RASSF3: variants seen among roughly 807,000 people sequenced by gnomAD.
RASSF3 encodes the protein ras association domain-containing protein 3.
In RASSF3, 19 loss-of-function variants were observed where a neutral mutation model predicts 19.9. The ratio of observed to expected loss-of-function variants is 0.96; its 90% CI spans 0.67 to 1.40. The LOEUF (loss-of-function observed/expected upper bound fraction) is 1.40, where lower values mean the gene tolerates loss of function less well. Among genes scored for constraint, RASSF3 ranks in the 40% most tolerant of loss-of-function variants. RASSF3 has a pLI of 0.00. For synonymous variants in RASSF3, 110 were observed against 104.2 expected (o/e 1.06, Z -0.34); for missense variants, 306 against 289.8 (o/e 1.06, Z -0.41).
At chr12:64,541,885 G>C (rs1378910300), downstream of RASSF3, among the ~76,000 whole-genome samples, 1 of 151,972 alleles carries the variant, frequency 6.6e-6, no homozygotes, top group Non-Finnish European at 1.5e-5. Context: ...CTTAATCTTG[G>C]GTTATAATTT....
downstream of RASSF3, among the ~76,000 whole-genome samples, chr12:64,543,641 G>T (rs1592395733): frequency 6.7e-6 from 1 of 148,212 alleles, no homozygotes; most frequent in Non-Finnish European, 1.5e-5. Context: ...GAGTGCGGGC[G>T]CACGGCGCGG....
chr12:64,631,414 G>A (rs1565855464), intron 1 of RASSF3, among the ~76,000 whole-genome samples: 1 of 152,098 alleles, frequency 6.6e-6, no homozygotes, highest in Non-Finnish European at 1.5e-5. Flanking sequence ...ATAGTGCAGA[G>A]GAAGCAGGAG....
At chr12:64,689,440 C>T (rs1156977564) in intron 3 of RASSF3, among the ~76,000 whole-genome samples, 1 of 152,114 alleles carries the variant, frequency 6.6e-6, no homozygotes, top group Non-Finnish European at 1.5e-5. Context: ...CAAAGATGAA[C>T]AGGCCAGGGT....
chr12:64,526,311 G>A (rs1868585407), intron 1 of RASSF3, among the ~76,000 whole-genome samples: 1 of 151,744 alleles, frequency 6.6e-6, no homozygotes, highest in African/African-American at 2.4e-5. Context: ...TTATTTTTTT[G>A]TGGTGAGAAC....
intron 2 of RASSF3, among the ~76,000 whole-genome samples, chr12:64,555,535 G>T (rs112873112): frequency 6.6e-6 from 1 of 152,074 alleles, no homozygotes; most frequent in East Asian, 1.9e-4. Flanking sequence ...GGATCATGAG[G>T]TCAGGAGATT....
At chr12:64,587,774 C>T (rs1474241121) in intron 2 of RASSF3, among the ~76,000 whole-genome samples, 1 of 152,116 alleles carries the variant, frequency 6.6e-6, no homozygotes, top group Non-Finnish European at 1.5e-5. Context: ...CCACCACTTC[C>T]AGCGAGTAAC....
At chr12:64,559,914 C>A (rs188323091) in intron 2 of RASSF3, among the ~76,000 whole-genome samples, 34 of 152,360 alleles carry the variant, frequency 2.2e-4, no homozygotes, top group Middle Eastern at 6.8e-3. Flanking sequence ...CCCAGCCCTT[C>A]CCTGTCTTGA....
chr12:64,652,556 G>A (rs947038298), intron 1 of RASSF3, among the ~76,000 whole-genome samples: 1 of 152,004 alleles, frequency 6.6e-6, no homozygotes, highest in Non-Finnish European at 1.5e-5. Context: ...TTTCCATCCT[G>A]TAGAGGAAAC....
intron 1 of RASSF3, among the ~76,000 whole-genome samples, chr12:64,612,458 G>T (rs1439781390): frequency 6.8e-6 from 1 of 147,802 alleles, no homozygotes; most frequent in African/African-American, 2.5e-5. Flanking sequence ...TTTTTTCTAG[G>T]TTTATATGCA....
At chr12:64,601,989 C>T (rs1028734733) in intron 2 of RASSF3, among the ~76,000 whole-genome samples, 23 of 150,260 alleles carry the variant, frequency 1.5e-4, no homozygotes, top group Non-Finnish European at 3.0e-4. Flanking sequence ...TGGTGGCGGG[C>T]GCCTGTGGTC....
chr12:64,684,540 T>C (rs1592469529), intron 1 of RASSF3, among the ~76,000 whole-genome samples: 1 of 151,870 alleles, frequency 6.6e-6, no homozygotes, highest in African/African-American at 2.4e-5. Context: ...AAAGTGATTC[T>C]CCTGCCTCAG....
chr12:64,613,425 C>T (rs779959219), intron 1 of RASSF3, among the ~76,000 whole-genome samples: 3 of 151,436 alleles, frequency 2.0e-5, no homozygotes, highest in South Asian at 2.1e-4. Flanking sequence ...TGAAAATATC[C>T]GGAGAAAACA....
intron 2 of RASSF3, among the ~76,000 whole-genome samples, chr12:64,592,139 G>A (rs1869936082): frequency 6.6e-6 from 1 of 152,118 alleles, no homozygotes; most frequent in Non-Finnish European, 1.5e-5. Flanking sequence ...GGGCTCAAGT[G>A]ATTTGCCCAC....
intron 1 of RASSF3, among the ~76,000 whole-genome samples, chr12:64,513,992 G>C (rs189621152): frequency 1.7e-4 from 25 of 150,420 alleles, no homozygotes; most frequent in Non-Finnish European, 3.2e-4. Context: ...CAATTCTCCT[G>C]CCTCATCCTC....
upstream of RASSF3, among the ~76,000 whole-genome samples, chr12:64,530,963 C>T (rs1244846479): frequency 6.6e-6 from 1 of 152,300 alleles, no homozygotes; most frequent in Non-Finnish European, 1.5e-5. Flanking sequence ...CTATATCAGA[C>T]ATGTGATTTG....
intron 2 of RASSF3, among the ~76,000 whole-genome samples, chr12:64,566,149 C>T (rs1275437147): frequency 4.6e-5 from 7 of 151,928 alleles, no homozygotes; most frequent in East Asian, 1.9e-4. Context: ...TGCAGTGAGC[C>T]GAGATTGTGC....
chr12:64,610,556 G>A lies in RASSF3; in HGVS notation c.-77G>A, dbSNP rs572373832. 9.7e-5 allele frequency: 65 copies of A among 668,818 alleles called. No individual in the cohort carries two copies. The African/African-American group carries it at 1.1e-3, about 11-fold the overall frequency. 41.4% of individuals were successfully genotyped at this position (668,818 alleles called of 1,614,324 possible). On this transcript the variant is annotated 5_prime_UTR_variant, in exon 1 of 5. Transcript: ENST00000542104. ...GGGGCTGCGCGCCGGGAACCTCGCG[G>A]GGCTGGCGGGCGCCGCACCCCCTCC...
At position 64,690,057 on chromosome 12, in the gene RASSF3, G is replaced by T. The variant is rs565602784; in HGVS notation, c.458-1413G>T. 3.2e-3 allele frequency among the ~76,000 whole-genome samples: 492 copies of T among 152,080 alleles called. 5 individuals carry two copies. Among genetic ancestry groups the T allele is most frequent in the African/African-American group, 0.011 (475 of 41,502 alleles). ...GCCCGCCTCAGCCTCCCAAAGTGCT[G>T]GGATTGCAGGTGTGAGCCACCGCGC... On this transcript the variant is annotated intron_variant, in intron 3 of 4. Coordinates refer to ENST00000542104, the MANE Select transcript of RASSF3 (RefSeq NM_178169.4).
At chr12:64,510,429 C>T (rs1392476318) in intron 1 of RASSF3, among the ~76,000 whole-genome samples, 1 of 152,202 alleles carries the variant, frequency 6.6e-6, no homozygotes, top group Non-Finnish European at 1.5e-5. Context: ...AACTCTCTGT[C>T]ACTCATCAAT....
Sources: allele counts gnomAD v4.1 joint callset (sites outside exome capture counted in the v4.1 genomes callset), GRCh38; gene constraint gnomAD v4.1.1; transcripts MANE v1.5; gene names NCBI Gene and HGNC (gene_info 2026-07-23, HGNC 2026-07-21).